Variants in WDR70 observed in about 807,000 individuals in gnomAD.
WDR70 encodes the protein WD repeat domain 70.
Under a neutral mutation model 88.6 loss-of-function variants are expected in WDR70, and 53 were observed. The observed-to-expected ratio is 0.60, with a 90% CI of 0.48 to 0.75. The LOEUF (loss-of-function observed/expected upper bound fraction) is 0.75. Among genes scored for constraint, WDR70 ranks in the 30% least tolerant of loss-of-function variants. The probability of loss-of-function intolerance (pLI) is 0.00; values close to 1 mark genes in which losing one functional copy is unlikely to be tolerated. For synonymous variants in WDR70, 280 were observed against 270.0 expected, an observed-to-expected ratio of 1.04 and a Z score of -0.36; for missense variants, 610 against 823.2, an observed-to-expected ratio of 0.74 and a Z score of 3.17.
chr5:37,737,323 A>G (rs1424881556), intron 17 of WDR70, among the ~76,000 whole-genome samples: 1 of 152,184 alleles, frequency 6.6e-6, no homozygotes, highest in African/African-American at 2.4e-5. Context: ...CTGGGATTTG[A>G]ATGCAAGCAT....
At chr5:37,519,393 G>A (rs1159888316) in intron 9 of WDR70, among the ~76,000 whole-genome samples, 1 of 149,562 alleles carries the variant, frequency 6.7e-6, no homozygotes, top group Non-Finnish European at 1.5e-5. Context: ...GGGGCAGCCG[G>A]GCGGAGGCGC....
At chr5:37,391,464 A>G (rs1296797499) in intron 3 of WDR70, among the ~76,000 whole-genome samples, 2 of 152,102 alleles carry the variant, frequency 1.3e-5, no homozygotes, top group Non-Finnish European at 2.9e-5. Flanking sequence ...TTTGTCTCTG[A>G]CTTTGACTAC....
intron 5 of WDR70, among the ~76,000 whole-genome samples, chr5:37,417,539 CGT>C (rs1002119429): frequency 7.9e-5 from 4 of 50,596 alleles, no homozygotes; most frequent in Non-Finnish European, 3.5e-4. Flanking sequence ...CCCCCACCGA[CGT>C]TTTTTTTTTT....
chr5:37,521,450 T>G (rs1031015910), intron 9 of WDR70, among the ~76,000 whole-genome samples: 1 of 152,172 alleles, frequency 6.6e-6, no homozygotes, highest in East Asian at 1.9e-4. Flanking sequence ...CTGACCAGAT[T>G]ACACTGTACC....
At chr5:37,500,207 A>G (rs1352992989) in intron 8 of WDR70, among the ~76,000 whole-genome samples, 1 of 152,190 alleles carries the variant, frequency 6.6e-6, no homozygotes, top group Admixed American at 6.5e-5. Context: ...TCCATTCCTG[A>G]GTTACCTCAC....
At chr5:37,546,941 G>A (rs1812819) in intron 9 of WDR70, among the ~76,000 whole-genome samples, 87,539 of 151,726 alleles carry the variant, frequency 0.58, 25,394 homozygotes, top group Non-Finnish European at 0.61. Flanking sequence ...TTATGTATGT[G>A]TTTATTTTTA....
chr5:37,685,729 C>T (rs1320869588), intron 10 of WDR70, among the ~76,000 whole-genome samples: 2 of 152,156 alleles, frequency 1.3e-5, no homozygotes, highest in Non-Finnish European at 2.9e-5. Flanking sequence ...TTCTGAGCAG[C>T]TCTCCCTGCC....
intron 7 of WDR70, among the ~76,000 whole-genome samples, chr5:37,448,372 G>A (rs1738565871): frequency 6.6e-6 from 1 of 152,094 alleles, no homozygotes; most frequent in Non-Finnish European, 1.5e-5. Context: ...TCTTTTTGTG[G>A]GAGTGGTATT....
intron 9 of WDR70, among the ~76,000 whole-genome samples, chr5:37,567,877 A>G (rs139680101): frequency 2.6e-5 from 4 of 152,264 alleles, no homozygotes; most frequent in African/African-American, 9.6e-5. Context: ...CAGAAATTAG[A>G]GGGTCATCCA....
chr5:37,733,488 T>C (rs1581535300), intron 17 of WDR70, among the ~76,000 whole-genome samples: 1 of 152,128 alleles, frequency 6.6e-6, no homozygotes, highest in African/African-American at 2.4e-5. Context: ...TATAATTTAA[T>C]TTTCCTCATT....
intron 3 of WDR70, among the ~76,000 whole-genome samples, chr5:37,384,528 C>T (rs867959621): frequency 2.2e-4 from 34 of 151,602 alleles, no homozygotes; most frequent in Admixed American, 6.6e-4. Context: ...GGCGTGGTGG[C>T]GGGCGCCTGT....
At chr5:37,495,343 A>G (rs1740182547) in intron 8 of WDR70, among the ~76,000 whole-genome samples, 1 of 152,176 alleles carries the variant, frequency 6.6e-6, no homozygotes, top group Non-Finnish European at 1.5e-5. Context: ...ACTATCATTC[A>G]GTAACTACAG....
At chr5:37,506,993 G>A in intron 8 of WDR70, 3 of 552,836 alleles carry the variant, frequency 5.4e-6, no homozygotes, top group Middle Eastern at 4.8e-4. Context: ...CTGCCCTTGG[G>A]GACACACACA....
At chr5:37,389,156 T>A (rs1748727073) in intron 3 of WDR70, among the ~76,000 whole-genome samples, 1 of 147,876 alleles carries the variant, frequency 6.8e-6, no homozygotes, top group East Asian at 2.0e-4. Flanking sequence ...GTGGTGGTAC[T>A]ATCTTGGCTT....
chr5:37,387,864 T>C (rs899926556), intron 3 of WDR70, among the ~76,000 whole-genome samples: 39 of 152,160 alleles, frequency 2.6e-4, no homozygotes, highest in African/African-American at 9.2e-4. Context: ...ATGCTTGGTA[T>C]TGGAGTCTTT....
intron 10 of WDR70, among the ~76,000 whole-genome samples, chr5:37,611,781 CTTTTT>C (rs66689730): frequency 0.048 from 6,055 of 126,848 alleles, 163 homozygotes; most frequent in Middle Eastern, 0.16. Flanking sequence ...TGATTTCAGC[CTTTTT>C]TTTTTTTTTT....
intron 9 of WDR70, among the ~76,000 whole-genome samples, chr5:37,590,039 TC>T (rs1743485820): frequency 6.6e-6 from 1 of 152,216 alleles, no homozygotes; most frequent in African/African-American, 2.4e-5. Context: ...AGGAATCTCT[TC>T]CAATTCCATT....
At chr5:37,638,072 A>G (rs373138980) in intron 10 of WDR70, among the ~76,000 whole-genome samples, 5 of 152,130 alleles carry the variant, frequency 3.3e-5, no homozygotes, top group African/African-American at 1.2e-4. Flanking sequence ...GTATTCTCAT[A>G]TATTTTCTGA....
At chr5:37,689,329 C>G (rs1362720516) in intron 10 of WDR70, among the ~76,000 whole-genome samples, 1 of 152,218 alleles carries the variant, frequency 6.6e-6, no homozygotes, top group Non-Finnish European at 1.5e-5. Flanking sequence ...CTGAAGAGAG[C>G]AGTGGTTCTC....
Sources: gnomAD v4.1 joint callset for allele counts (sites outside exome capture counted in the v4.1 genomes callset) on GRCh38, gnomAD v4.1.1 for gene constraint, MANE v1.5 for transcripts, NCBI Gene and HGNC (gene_info 2026-07-23, HGNC 2026-07-21) for gene names.